The following PCDHGA10 variants were observed in gnomAD, a reference collection of about 807,000 sequenced individuals.
PCDHGA10 encodes the protein protocadherin gamma subfamily A, 10, also known as protocadherin gamma-A10.
Under a neutral mutation model 59.5 loss-of-function variants are expected in PCDHGA10, and 42 were observed. The observed-to-expected ratio is 0.71, with a 90% CI of 0.55 to 0.91. The LOEUF is 0.91. Among genes scored for constraint, PCDHGA10 ranks in the 40% least tolerant of loss-of-function variants. The pLI is 0.00. For missense variants in PCDHGA10, 1,111 were observed against 1,198.2 expected, an observed-to-expected ratio of 0.93 and a Z score of 1.07; for synonymous variants, 511 against 517.2, an observed-to-expected ratio of 0.99 and a Z score of 0.16.
At position 141,477,458 on chromosome 5, in the gene PCDHGA10, T is replaced by C; in HGVS notation, c.2437-17349T>C. 6.2e-7 allele frequency: 1 copy of C among 1,614,126 alleles called. No homozygotes were observed. The highest frequency in any genetic ancestry group is 8.5e-7 in the Non-Finnish European group (1 of 1,180,022). ...CCTTACAATAGTGCGTGTTCAAGTG[T>C]CCGACATCAATGACAACCCTCCACA... On this transcript the variant is annotated intron_variant, in intron 1 of 3. Transcript: ENST00000398610. This position sits in a 1 kb window ranked among gnomAD's most constrained non-coding sequence, Gnocchi z 4.9.
chr5:141,439,790 C>G (rs2098131627), intron 1 of PCDHGA10: 2 of 152,248 alleles, frequency 1.3e-5, no homozygotes, highest in Non-Finnish European at 2.9e-5. Flanking sequence ...TTCTATAATC[C>G]AAGAAGAGTT....
intron 2 of PCDHGA10, among the ~76,000 whole-genome samples, chr5:141,497,603 G>A (rs1045138662): frequency 3.3e-5 from 5 of 149,832 alleles, no homozygotes; most frequent in Non-Finnish European, 7.4e-5. Context: ...GCAGTGGTGC[G>A]ATCTTGGCTC....
In PCDHGA10 at chr5:141,414,822, C is replaced by G; in HGVS notation, c.1647C>G (p.Asn549Lys). ...SDSGDPPLSS[N>K]VSLSLFVLDQ... ...GCGGGGATCCTCCACTCAGCAGCAACGTGTCGTTGAGCCTGTTTGTGCTGG... is the reference window on the plus strand; with the variant it reads ...GCGGGGATCCTCCACTCAGCAGCAAGGTGTCGTTGAGCCTGTTTGTGCTGG... Residue 549 changes from asparagine (N) to lysine (K), a missense_variant, in exon 1 of 4, where the codon AAC becomes AAG. By Grantham distance (94) the Asn-to-Lys change is moderately conservative. Coordinates refer to ENST00000398610, the MANE Select transcript of PCDHGA10 (RefSeq NM_018913.3). 1.9e-6 allele frequency: 3 copies of G among 1,614,240 alleles called. No homozygotes were observed. The highest frequency in any genetic ancestry group is 2.5e-6 in the Non-Finnish European group (3 of 1,180,042).
chr5:141,467,057 T>TG, intron 1 of PCDHGA10, among the ~76,000 whole-genome samples: 1 of 144,752 alleles, frequency 6.9e-6, no homozygotes, highest in Non-Finnish European at 1.5e-5. Context: ...AATGTTTTCT[T>TG]TTTTTTTTTT....
intron 1 of PCDHGA10, chr5:141,421,143 A>T (rs2096549098): frequency 3.1e-6 from 3 of 964,414 alleles, no homozygotes; most frequent in Non-Finnish European, 4.5e-6. Flanking sequence ...TTTTGGATGT[A>T]GTCGGCCTAG....
chr5:141,460,822 C>A (rs2098998601), intron 1 of PCDHGA10, among the ~76,000 whole-genome samples: 2 of 151,502 alleles, frequency 1.3e-5, no homozygotes, highest in South Asian at 4.1e-4. Context: ...TACATATATA[C>A]ACACTTAAAG....
At chr5:141,430,392 A>G (rs2097281137) in intron 1 of PCDHGA10, among the ~76,000 whole-genome samples, 1 of 152,136 alleles carries the variant, frequency 6.6e-6, no homozygotes, top group Non-Finnish European at 1.5e-5. Context: ...GGAAAAAAAA[A>G]AAAAGCTCAC....
intron 2 of PCDHGA10, among the ~76,000 whole-genome samples, chr5:141,498,839 A>C (rs2099786236): frequency 6.6e-6 from 1 of 152,062 alleles, no homozygotes; most frequent in Non-Finnish European, 1.5e-5. Context: ...AGGCTGAGGC[A>C]GGGGAATCGC....
At chr5:141,497,741 G>A (rs767561907) in intron 2 of PCDHGA10, among the ~76,000 whole-genome samples, 24 of 152,050 alleles carry the variant, frequency 1.6e-4, no homozygotes, top group Non-Finnish European at 2.6e-4. Context: ...GTTTCGCCAC[G>A]TTGGCCAGGC....
chr5:141,511,002 C>T lies in PCDHGA10; in HGVS notation c.2640C>T (p.Ser880=), dbSNP rs143630962. 77 of 1,614,140 alleles carry T rather than the reference C, an allele frequency of 4.8e-5. No individual in the cohort carries two copies. Among genetic ancestry groups the T allele is most frequent in the South Asian group, 2.1e-4 (19 of 91,080 alleles). ...GGGGTGCCGGCACCATGGGATTGAG[C>T]GCCCGCTACGGACCCCAGTTCACCC... The part of the protein sequence containing the change: ...LGGGAGTMGL[S]ARYGPQFTLQ... Residue 880 remains serine (S), a synonymous_variant, in exon 4 of 4, where the codon AGC becomes AGT. Coordinates refer to ENST00000398610, the MANE Select transcript of PCDHGA10 (RefSeq NM_018913.3).
At position 141,485,568 on chromosome 5, in the gene PCDHGA10, G is replaced by T. The variant is rs1020556289; in HGVS notation, c.2437-9239G>T. 6.2e-7 allele frequency: 1 copy of T among 1,612,758 alleles called. No homozygotes were observed. Among genetic ancestry groups the T allele is most frequent in the Non-Finnish European group, 8.5e-7 (1 of 1,178,924 alleles). On this transcript the variant is annotated intron_variant, in intron 1 of 3. Coordinates refer to ENST00000398610, the MANE Select transcript of PCDHGA10 (RefSeq NM_018913.3). The surrounding 1 kb of genome is among the most constrained non-coding windows in gnomAD (Gnocchi z 5.7). Reference sequence around the variant, plus strand: ...GTAGATGTGAATGATCACGCCCCCCGTTTTCCGCGGCAGCAGCTGGACTTG... The same window carrying T: ...GTAGATGTGAATGATCACGCCCCCCTTTTTCCGCGGCAGCAGCTGGACTTG...
At chr5:141,425,457 T>G (rs936918643) in intron 1 of PCDHGA10, among the ~76,000 whole-genome samples, 6 of 152,318 alleles carry the variant, frequency 3.9e-5, no homozygotes, top group Admixed American at 6.5e-5. Flanking sequence ...ACCATCACAT[T>G]TCATGTTATT....
intron 1 of PCDHGA10, chr5:141,428,256 T>A: frequency 1.2e-6 from 1 of 863,822 alleles, no homozygotes; most frequent in Non-Finnish European, 1.9e-6. Flanking sequence ...CAGACTTCAG[T>A]GACAGTCCTG....
chr5:141,434,714 G>A (rs1333237898), intron 1 of PCDHGA10, among the ~76,000 whole-genome samples: 1 of 151,564 alleles, frequency 6.6e-6, no homozygotes, highest in Non-Finnish European at 1.5e-5. Context: ...GTAAATCTCT[G>A]TTCAGGGCTC....
intron 1 of PCDHGA10, among the ~76,000 whole-genome samples, chr5:141,455,177 T>C (rs2098816411): frequency 6.6e-6 from 1 of 152,040 alleles, no homozygotes; most frequent in Non-Finnish European, 1.5e-5. Context: ...TTTTAGTTTT[T>C]TTATTTCTCT....
chr5:141,451,116 CCA>C (rs1257364243), intron 1 of PCDHGA10, among the ~76,000 whole-genome samples: 1 of 152,200 alleles, frequency 6.6e-6, no homozygotes, highest in Non-Finnish European at 1.5e-5. Context: ...GCGTGAGCCA[CCA>C]CACCCAGCCT....
intron 1 of PCDHGA10, chr5:141,427,531 A>C: frequency 1.6e-6 from 1 of 620,632 alleles, no homozygotes. Flanking sequence ...ATCCCGGAGT[A>C]CAACGTCACC....
intron 1 of PCDHGA10, among the ~76,000 whole-genome samples, chr5:141,492,084 G>C (rs979755390): frequency 2.0e-5 from 3 of 152,236 alleles, no homozygotes; most frequent in African/African-American, 7.2e-5. Flanking sequence ...GCTCCGGCAC[G>C]CTTCGCCGGT....
chr5:141,419,566 C>T (rs765992004), intron 1 of PCDHGA10: 4 of 1,611,790 alleles, frequency 2.5e-6, no homozygotes, highest in East Asian at 2.2e-5. Flanking sequence ...CGCTGGGTCC[C>T]GACGGCTCCG....
Sources: allele counts gnomAD v4.1 joint callset (sites outside exome capture counted in the v4.1 genomes callset), GRCh38; gene constraint gnomAD v4.1.1; non-coding constraint Gnocchi (gnomAD v3.1); transcripts MANE v1.5; gene names NCBI Gene and HGNC (gene_info 2026-07-23, HGNC 2026-07-21).